Variants in MBD5 observed in about 807,000 individuals in gnomAD.
MBD5 encodes methyl-CpG binding domain protein 5.
In MBD5, 13 loss-of-function variants were observed where a neutral mutation model predicts 117.3. The ratio of observed to expected loss-of-function variants is 0.11; its 90% CI spans 0.07 to 0.18. The LOEUF (loss-of-function observed/expected upper bound fraction) is 0.18. MBD5 is among the 10% of genes least tolerant of loss of function. MBD5 has a pLI of 1.00. For synonymous variants in MBD5, 727 were observed against 766.4 expected, an observed-to-expected ratio of 0.95 and a Z score of 0.85; for missense variants, 1,879 against 2,093.8, an observed-to-expected ratio of 0.90 and a Z score of 2.00.
chr2:148,073,501 T>C (rs1695415082), intron 1 of MBD5, among the ~76,000 whole-genome samples: 1 of 152,186 alleles, frequency 6.6e-6, no homozygotes, highest in African/African-American at 2.4e-5. Context: ...TGGAAACAAC[T>C]TAAATGTCTA....
intron 2 of MBD5, among the ~76,000 whole-genome samples, chr2:148,232,484 T>A (rs972613426): frequency 4.6e-5 from 7 of 152,144 alleles, no homozygotes; most frequent in African/African-American, 1.7e-4. Context: ...GATACTTTTT[T>A]TGTTTTTTTC....
intron 4 of MBD5, among the ~76,000 whole-genome samples, chr2:148,437,503 C>T (rs1307377874): frequency 1.3e-5 from 2 of 151,876 alleles, no homozygotes; most frequent in South Asian, 2.1e-4. Context: ...GTTACTATCT[C>T]AAAAGATCAA....
chr2:148,502,361 C>T (rs938745086), intron 11 of MBD5, 75 bp from the exon 12 acceptor site: 90 of 1,367,542 alleles, frequency 6.6e-5, no homozygotes, highest in East Asian at 6.2e-4. Flanking sequence ...CCTGCTTGTA[C>T]GGCAGGAAAG....
intron 4 of MBD5, among the ~76,000 whole-genome samples, chr2:148,435,813 T>C (rs1706138780): frequency 6.6e-6 from 1 of 152,220 alleles, no homozygotes; most frequent in Admixed American, 6.5e-5. Flanking sequence ...AAAGTTTTCA[T>C]AGACAATATC....
intron 1 of MBD5, among the ~76,000 whole-genome samples, chr2:148,058,842 A>AT (rs1484808084): frequency 7.9e-5 from 12 of 152,122 alleles, no homozygotes; most frequent in South Asian, 2.1e-4. Flanking sequence ...GCCAGAATGC[A>AT]TTTTTTTGCG....
chr2:148,369,010 G>C (rs551139761), intron 4 of MBD5, among the ~76,000 whole-genome samples: 1 of 152,074 alleles, frequency 6.6e-6, no homozygotes, highest in African/African-American at 2.4e-5. Context: ...TTCATTTCCT[G>C]TGTCTCCTGA....
At chr2:148,105,768 C>G (rs893682521) in intron 1 of MBD5, among the ~76,000 whole-genome samples, 2 of 151,604 alleles carry the variant, frequency 1.3e-5, no homozygotes, top group African/African-American at 2.4e-5. Context: ...TTCAATTCTC[C>G]GATTAGTAAC....
At chr2:148,344,732 G>C (rs1009322256) in intron 4 of MBD5, among the ~76,000 whole-genome samples, 5 of 151,876 alleles carry the variant, frequency 3.3e-5, no homozygotes, top group Admixed American at 6.6e-5. Context: ...TCAAGGTATA[G>C]AATCATATCA....
intron 1 of MBD5, among the ~76,000 whole-genome samples, chr2:148,153,933 C>G (rs1201372928): frequency 8.2e-6 from 1 of 122,248 alleles, no homozygotes; most frequent in Non-Finnish European, 1.7e-5. Context: ...GCCTTCTTCT[C>G]TCAGCTCGTC....
intron 3 of MBD5, among the ~76,000 whole-genome samples, chr2:148,250,151 G>A (rs1358702512): frequency 6.6e-6 from 1 of 152,140 alleles, no homozygotes; most frequent in Non-Finnish European, 1.5e-5. Flanking sequence ...GCAAGATCAT[G>A]TCTTTTGTTG....
intron 1 of MBD5, among the ~76,000 whole-genome samples, chr2:148,064,148 C>CA (rs1488967472): frequency 4.8e-5 from 5 of 104,364 alleles, no homozygotes; most frequent in African/African-American, 8.6e-5. Context: ...TTTTTTGAGA[C>CA]AGAGCCTCGC....
chr2:148,141,672 T>C (rs1383617142), intron 1 of MBD5, among the ~76,000 whole-genome samples: 1 of 152,064 alleles, frequency 6.6e-6, no homozygotes, highest in Non-Finnish European at 1.5e-5. Flanking sequence ...TCATGCCTAT[T>C]GTCCCAGCTA....
At chr2:148,415,631 A>G (rs1705394349) in intron 4 of MBD5, among the ~76,000 whole-genome samples, 1 of 152,002 alleles carries the variant, frequency 6.6e-6, no homozygotes, top group South Asian at 2.1e-4. Flanking sequence ...TCTTTACACA[A>G]TTCCATATTT....
At chr2:148,407,238 C>T (rs1705107580) in intron 4 of MBD5, among the ~76,000 whole-genome samples, 1 of 152,012 alleles carries the variant, frequency 6.6e-6, no homozygotes. Context: ...TGCATTTTTA[C>T]TAAACATAAT....
At chr2:148,062,375 A>G (rs1695059859) in intron 1 of MBD5, 1 of 151,934 alleles carries the variant, frequency 6.6e-6, no homozygotes, top group Non-Finnish European at 1.5e-5. Context: ...TAATAAATGT[A>G]TAAAGTTTGT....
At chr2:148,189,190 G>A (rs1463051233) in intron 2 of MBD5, among the ~76,000 whole-genome samples, 3 of 147,422 alleles carry the variant, frequency 2.0e-5, no homozygotes, top group Admixed American at 6.7e-5. Context: ...AGGGGCGCCC[G>A]CCATTGCTCA....
chr2:148,299,367 G>T (rs1701729354), intron 3 of MBD5, among the ~76,000 whole-genome samples: 1 of 151,938 alleles, frequency 6.6e-6, no homozygotes, highest in Admixed American at 6.6e-5. Flanking sequence ...GCCTCATGTG[G>T]TCCACCTGCC....
Position 148,131,215 on chromosome 2 carries a change from G to GT in MBD5, c.-924-47478dup, listed in dbSNP as rs528258040. Among the ~76,000 whole-genome samples, 7 of 152,092 alleles carry GT rather than the reference G, an allele frequency of 4.6e-5. No individual in the cohort carries two copies. In the South Asian group the frequency reaches 1.2e-3, roughly 27 times the overall value. On this transcript the variant is annotated intron_variant, in intron 1 of 13. Coordinates refer to ENST00000642680, the MANE Select transcript of MBD5 (RefSeq NM_001378120.1). ...TCTTCACAAACATTAGACTATGAGG[G>GT]TTTTTTTGTTTGTTTGCTTTGTTTT...
chr2:148,208,190 A>T (rs1042923144), intron 2 of MBD5, among the ~76,000 whole-genome samples: 3 of 152,158 alleles, frequency 2.0e-5, no homozygotes, highest in Non-Finnish European at 2.9e-5. Flanking sequence ...AAAACATGGA[A>T]TAAGGACACT....
Sources: allele counts gnomAD v4.1 joint callset (sites outside exome capture counted in the v4.1 genomes callset), GRCh38; gene constraint gnomAD v4.1.1; transcripts MANE v1.5; gene names NCBI Gene and HGNC (gene_info 2026-07-23, HGNC 2026-07-21).